The following MAPKAP1 variants were observed in gnomAD, a reference collection of about 807,000 sequenced individuals.
MAPKAP1 encodes target of rapamycin complex 2 subunit MAPKAP1.
A neutral mutation model predicts 65.7 loss-of-function variants in MAPKAP1; 20 were observed. The observed-to-expected ratio is 0.30, with a 90% CI of 0.21 to 0.44. MAPKAP1 has a LOEUF of 0.44. Among genes scored for constraint, MAPKAP1 ranks in the 20% least tolerant of loss-of-function variants. The probability of loss-of-function intolerance (pLI) is 1.00; values close to 1 mark genes in which losing one functional copy is unlikely to be tolerated. For missense variants in MAPKAP1, 423 were observed against 648.0 expected (o/e 0.65, Z 3.77); for synonymous variants, 222 against 244.3 (o/e 0.91, Z 0.85).
chr9:125,517,607 C>A (rs942540799), intron 7 of MAPKAP1, among the ~76,000 whole-genome samples: 2 of 152,146 alleles, frequency 1.3e-5, no homozygotes, highest in Non-Finnish European at 2.9e-5. Context: ...TCATTTCCAA[C>A]CATCAATCAG....
intron 2 of MAPKAP1, 45 bp from the exon 3 acceptor site, chr9:125,669,952 A>G (rs775894435): frequency 2.6e-6 from 3 of 1,153,750 alleles, no homozygotes; most frequent in South Asian, 1.5e-5. Flanking sequence ...ATGAAAGTTT[A>G]CCATAAACAA....
intron 1 of MAPKAP1, among the ~76,000 whole-genome samples, chr9:125,698,303 ATATATAT>A (rs1564622442): frequency 4.7e-5 from 1 of 21,464 alleles, no homozygotes; most frequent in Non-Finnish European, 9.8e-5. Flanking sequence ...ATATATATAT[ATATATAT>A]ATATATATAT....
rs1835785370 is a variant in MAPKAP1, at chr9:125,707,040, C to T, written c.-139G>A. The stretch of plus-strand genomic sequence containing the variant: ...GTTCCTGAGGGGAGGGCCCGGCTCC[C>T]CCACGCCTCCCGGCCCCTGCCCCGA... On this transcript the variant is annotated 5_prime_UTR_variant, in exon 1 of 12. Coordinates refer to ENST00000265960, the MANE Select transcript of MAPKAP1 (RefSeq NM_001006617.3). 1 of 397,202 alleles carries T rather than the reference C, an allele frequency of 2.5e-6. No homozygotes were observed. The highest frequency in any genetic ancestry group is 4.4e-5 in the Admixed American group (1 of 22,662). The allele number at this position is 397,202 out of a possible 1,614,324, so 24.6% of individuals were successfully genotyped here.
intron 9 of MAPKAP1, among the ~76,000 whole-genome samples, chr9:125,470,118 CT>C (rs1162615484): frequency 6.6e-6 from 1 of 152,176 alleles, no homozygotes. Flanking sequence ...TTCTATGCCC[CT>C]ACAACTCTTG....
At chr9:125,490,664 T>G (rs1318949433) in intron 8 of MAPKAP1, among the ~76,000 whole-genome samples, 1 of 152,202 alleles carries the variant, frequency 6.6e-6, no homozygotes, top group Non-Finnish European at 1.5e-5. Flanking sequence ...ATTGAAATAT[T>G]CTTCCCTTTT....
chr9:125,609,636 G>A (rs1443189197), intron 4 of MAPKAP1, among the ~76,000 whole-genome samples: 1 of 152,058 alleles, frequency 6.6e-6, no homozygotes, highest in Non-Finnish European at 1.5e-5. Flanking sequence ...TTGTCACCGG[G>A]CCTGGCCTGC....
chr9:125,473,679 C>A lies in MAPKAP1; in HGVS notation c.1208-5570G>T, dbSNP rs1044173205. On this transcript the variant is annotated intron_variant, in intron 9 of 11. Coordinates refer to ENST00000265960, the MANE Select transcript of MAPKAP1 (RefSeq NM_001006617.3). ...GGAAATTAGCACCGCGTAGCATCTTCTTCTAACACAGACTGAGCGCCCACT... is the reference window on the plus strand; with the variant it reads ...GGAAATTAGCACCGCGTAGCATCTTATTCTAACACAGACTGAGCGCCCACT... Among the ~76,000 whole-genome samples, 4 of 152,202 alleles carry A rather than the reference C, an allele frequency of 2.6e-5. No individual in the cohort carries two copies. The South Asian group carries it at 8.3e-4, about 32-fold the overall frequency.
Position 125,559,650 on chromosome 9 carries a change from C to T in MAPKAP1, c.831G>A (p.Glu277=). Residue 277 remains glutamate (E), a synonymous_variant, in exon 6 of 12, where the codon GAG becomes GAA. Transcript: ENST00000265960. ...GTACTCACATTCGAACAAAGAGTGA[C>T]TCTTTGGATGTCAGACCAGGAGATG... ...KYSSPGLTSK[E]SLFVRINAAH... The T allele has an allele frequency of 1.2e-6, 2 of 1,613,418 alleles. No homozygotes were observed. The highest frequency in any genetic ancestry group is 1.1e-5 in the South Asian group (1 of 90,954).
intron 7 of MAPKAP1, among the ~76,000 whole-genome samples, chr9:125,534,386 T>G (rs1445555598): frequency 2.0e-5 from 3 of 152,254 alleles, no homozygotes; most frequent in African/African-American, 7.2e-5. Flanking sequence ...ACTACCTTCT[T>G]TTGATATTAA....
intron 1 of MAPKAP1, among the ~76,000 whole-genome samples, chr9:125,680,379 G>A (rs1048146524): frequency 1.1e-4 from 16 of 152,042 alleles, no homozygotes; most frequent in African/African-American, 3.1e-4. Context: ...CCTGGAATTC[G>A]AAAATAATTG....
intron 3 of MAPKAP1, among the ~76,000 whole-genome samples, chr9:125,661,511 G>A (rs1482896722): frequency 4.6e-5 from 7 of 151,990 alleles, no homozygotes; most frequent in Non-Finnish European, 8.8e-5. Flanking sequence ...TCTATATATT[G>A]CTCCAGAAAA....
intron 7 of MAPKAP1, among the ~76,000 whole-genome samples, chr9:125,512,466 T>C (rs1829329596): frequency 6.6e-6 from 1 of 152,256 alleles, no homozygotes; most frequent in South Asian, 2.1e-4. Flanking sequence ...GTGACTATGA[T>C]GACCTGGACA....
chr9:125,460,748 T>G (rs545354300), intron 10 of MAPKAP1, among the ~76,000 whole-genome samples: 1 of 152,276 alleles, frequency 6.6e-6, no homozygotes, highest in African/African-American at 2.4e-5. Flanking sequence ...AGATGTTAGG[T>G]TTCCCTTGTC....
At chr9:125,449,403 T>C (rs997864893) in intron 10 of MAPKAP1, among the ~76,000 whole-genome samples, 10 of 152,182 alleles carry the variant, frequency 6.6e-5, no homozygotes, top group South Asian at 2.1e-4. Context: ...GCTTTGAAGA[T>C]TGCATTTTTA....
chr9:125,559,420 G>C (rs753788450), intron 6 of MAPKAP1: 7 of 437,626 alleles, frequency 1.6e-5, no homozygotes, highest in Non-Finnish European at 2.9e-5. Context: ...TTCACACAAT[G>C]TGCCACTGCA....
chr9:125,641,040 A>C (rs757202476), intron 4 of MAPKAP1, among the ~76,000 whole-genome samples: 1 of 152,318 alleles, frequency 6.6e-6, no homozygotes, highest in African/African-American at 2.4e-5. Context: ...TTTAATCTCT[A>C]TCAGACCCAG....
chr9:125,624,222 T>C (rs1418251314), intron 4 of MAPKAP1, among the ~76,000 whole-genome samples: 1 of 15,528 alleles, frequency 6.4e-5, no homozygotes, highest in Non-Finnish European at 1.8e-4. Context: ...GGGTCAGCCC[T>C]CCGCCCGGCC....
At chr9:125,507,638 C>G (rs1471597039) in intron 7 of MAPKAP1, among the ~76,000 whole-genome samples, 1 of 152,206 alleles carries the variant, frequency 6.6e-6, no homozygotes, top group Admixed American at 6.5e-5. Context: ...ACTGGTATTT[C>G]ATTAGCACTT....
chr9:125,500,963 G>C (rs1828960342), intron 8 of MAPKAP1, among the ~76,000 whole-genome samples: 1 of 152,100 alleles, frequency 6.6e-6, no homozygotes, highest in African/African-American at 2.4e-5. Flanking sequence ...ATTCCGATAA[G>C]CAAGTCACAT....
Sources: gnomAD v4.1 joint callset for allele counts (sites outside exome capture counted in the v4.1 genomes callset) on GRCh38, gnomAD v4.1.1 for gene constraint, MANE v1.5 for transcripts, NCBI Gene and HGNC (gene_info 2026-07-23, HGNC 2026-07-21) for gene names.